Variants in MSH3 observed in about 807,000 individuals in gnomAD.
The protein encoded by MSH3 is DNA mismatch repair protein Msh3.
A neutral mutation model predicts 123.3 loss-of-function variants in MSH3; 106 were observed. The observed-to-expected ratio is 0.86, with a 90% CI of 0.73 to 1.01. MSH3 has a LOEUF of 1.01. Among genes scored for constraint, MSH3 ranks in the 50% least tolerant of loss-of-function variants. MSH3 has a pLI of 0.00. For missense variants in MSH3, 1,459 were observed against 1,347.6 expected (o/e 1.08, Z -1.29); for synonymous variants, 515 against 481.4 (o/e 1.07, Z -0.91).
intron 8 of MSH3, among the ~76,000 whole-genome samples, chr5:80,718,166 A>C (rs141626994): frequency 2.0e-5 from 3 of 152,212 alleles, no homozygotes; most frequent in Non-Finnish European, 4.4e-5. Context: ...CAGAGGAATC[A>C]TGATCCTGAC....
chr5:80,752,973 G>A (rs193008103), intron 12 of MSH3, among the ~76,000 whole-genome samples: 131 of 152,204 alleles, frequency 8.6e-4, no homozygotes, highest in African/African-American at 3.1e-3. Flanking sequence ...TGTCACATAG[G>A]CAGTCAAGAC....
In MSH3 at chr5:80,679,796, C is replaced by T. The variant is rs529968172; in HGVS notation, c.1340+703C>T. Among the ~76,000 whole-genome samples the T allele has an allele frequency of 5.3e-5, 8 of 152,268 alleles. No individual in the cohort carries two copies. In the South Asian group the frequency reaches 6.2e-4, roughly 12 times the overall value. On this transcript the variant is annotated intron_variant, in intron 8 of 23. Coordinates refer to ENST00000265081, the MANE Select transcript of MSH3 (RefSeq NM_002439.5). The stretch of plus-strand genomic sequence containing the variant: ...AAGGCATGATGTATTAAGTGCTAAA[C>T]GTGAAGGTGCCTTGTTGGAAAGACT...
At chr5:80,733,542 A>G (rs1365216775) in intron 10 of MSH3, among the ~76,000 whole-genome samples, 1 of 152,118 alleles carries the variant, frequency 6.6e-6, no homozygotes, top group Admixed American at 6.5e-5. Flanking sequence ...AAGACAATCC[A>G]CTGAATAGAA....
At chr5:80,761,271 C>T (rs1744026977) in intron 12 of MSH3, among the ~76,000 whole-genome samples, 1 of 152,178 alleles carries the variant, frequency 6.6e-6, no homozygotes, top group South Asian at 2.1e-4. Flanking sequence ...AGACTGTAAT[C>T]CCAGGTTCCA....
chr5:80,678,985 G>A lies in MSH3; in HGVS notation c.1232G>A (p.Arg411His), dbSNP rs764885728. The A allele has an allele frequency of 1.7e-5, 28 of 1,613,962 alleles. No homozygotes were observed. The highest frequency in any genetic ancestry group is 2.2e-5 in the East Asian group (1 of 44,888). The change falls in exon 8 of 24, where the codon CGT (arginine) becomes CAT (histidine). Residue 411 changes from arginine to histidine, a missense_variant. By Grantham distance (29) the Arg-to-His change is conservative. Coordinates refer to ENST00000265081, the MANE Select transcript of MSH3 (RefSeq NM_002439.5). Reference sequence around the variant, plus strand: ...GATAGTTTCCAGGACTCTGCTTCTCGTTCAGAGCTAGAAACCCGGATGTCA... The same window carrying A: ...GATAGTTTCCAGGACTCTGCTTCTCATTCAGAGCTAGAAACCCGGATGTCA... ...VFDSFQDSAS[R>H]SELETRMSSL... is the part of the protein sequence containing the mutation.
At chr5:80,774,870 A>G (rs1443551683) in intron 15 of MSH3, among the ~76,000 whole-genome samples, 2 of 152,194 alleles carry the variant, frequency 1.3e-5, no homozygotes, top group Non-Finnish European at 2.9e-5. Flanking sequence ...CAAAAAAACC[A>G]GAAAGAATGA....
At chr5:80,775,233 T>C (rs1744277970) in intron 15 of MSH3, among the ~76,000 whole-genome samples, 1 of 152,180 alleles carries the variant, frequency 6.6e-6, no homozygotes, top group Non-Finnish European at 1.5e-5. Flanking sequence ...AGGATTTCAG[T>C]TCCTTGGATA....
Position 80,873,182 on chromosome 5 carries a change from G to C in MSH3, c.3197G>C (p.Arg1066Thr), listed in dbSNP as rs769290159. Residue 1066 changes from arginine (R) to threonine (T), a missense_variant, in exon 23 of 24, where the codon AGG becomes ACG. Coordinates refer to ENST00000265081, the MANE Select transcript of MSH3 (RefSeq NM_002439.5). ...CAAATAACTAGAGGAATTGCAGCAA[G>C]GAGTTATGGATTAAATGTGGCTAAA... Reference protein sequence around the residue: ...LYQITRGIAARSYGLNVAKLA... With the variant: ...LYQITRGIAATSYGLNVAKLA... 6.2e-7 allele frequency: 1 copy of C among 1,613,860 alleles called. No individual in the cohort carries two copies. The highest frequency in any genetic ancestry group is 8.5e-7 in the Non-Finnish European group (1 of 1,179,788).
chr5:80,673,768 G>A (rs1284492383), intron 6 of MSH3, among the ~76,000 whole-genome samples: 7 of 152,126 alleles, frequency 4.6e-5, no homozygotes, highest in African/African-American at 1.7e-4. Flanking sequence ...ATTTATAAAT[G>A]CAGTGTGTTA....
chr5:80,725,705 A>G (rs1183891397), intron 9 of MSH3, 140 bp downstream of exon 9: 2 of 700,170 alleles, frequency 2.9e-6, no homozygotes, highest in Non-Finnish European at 5.1e-6. Context: ...TGTTGTGCTC[A>G]TCAGAAACAC....
intron 19 of MSH3, among the ~76,000 whole-genome samples, chr5:80,811,054 A>G (rs115582491): frequency 5.3e-4 from 80 of 152,158 alleles, no homozygotes; most frequent in African/African-American, 1.8e-3. Flanking sequence ...TGAAATTGGA[A>G]ACACTTCTGT....
intron 8 of MSH3, among the ~76,000 whole-genome samples, chr5:80,716,956 G>C (rs1750974118): frequency 6.6e-6 from 1 of 152,160 alleles, no homozygotes; most frequent in African/African-American, 2.4e-5. Flanking sequence ...GAGAACATGT[G>C]ATATTCGTCT....
At chr5:80,769,106 C>G (rs552880822) in intron 15 of MSH3, 103 bp downstream of exon 15, 1 of 1,062,414 alleles carries the variant, frequency 9.4e-7, no homozygotes, top group South Asian at 1.5e-5. Context: ...ATTATCTTTT[C>G]AAATTTTCTG....
At chr5:80,839,755 GAC>G (rs1346057991) in intron 20 of MSH3, among the ~76,000 whole-genome samples, 1 of 152,086 alleles carries the variant, frequency 6.6e-6, no homozygotes, top group African/African-American at 2.4e-5. Context: ...TATAAAAAGT[GAC>G]ACAATAAAAT....
intron 8 of MSH3, among the ~76,000 whole-genome samples, chr5:80,681,523 A>G (rs1561440466): frequency 6.6e-6 from 1 of 151,978 alleles, no homozygotes; most frequent in Non-Finnish European, 1.5e-5. Context: ...TAATACTGAA[A>G]AAATGAATAT....
At chr5:80,854,967 C>T (rs755855993) in intron 21 of MSH3, among the ~76,000 whole-genome samples, 5 of 152,150 alleles carry the variant, frequency 3.3e-5, no homozygotes, top group Non-Finnish European at 7.4e-5. Flanking sequence ...TCACCAACAT[C>T]CTGAAGGATC....
chr5:80,798,820 T>G (rs974861109), intron 19 of MSH3, among the ~76,000 whole-genome samples: 1 of 152,180 alleles, frequency 6.6e-6, no homozygotes, highest in South Asian at 2.1e-4. Flanking sequence ...CCTCTCTTCT[T>G]ATCTCTTACC....
intron 13 of MSH3, among the ~76,000 whole-genome samples, chr5:80,762,964 A>G (rs1261071222): frequency 6.6e-6 from 1 of 151,670 alleles, no homozygotes; most frequent in Non-Finnish European, 1.5e-5. Context: ...CTTCTGTCTC[A>G]GCCTCCTGAG....
chr5:80,803,362 G>A (rs1744826051), intron 19 of MSH3, among the ~76,000 whole-genome samples: 1 of 151,790 alleles, frequency 6.6e-6, no homozygotes, highest in Non-Finnish European at 1.5e-5. Flanking sequence ...CCTGTTGTTT[G>A]TATGCCTTCG....
Sources: gnomAD v4.1 joint callset for allele counts (sites outside exome capture counted in the v4.1 genomes callset) on GRCh38, gnomAD v4.1.1 for gene constraint, MANE v1.5 for transcripts, NCBI Gene and HGNC (gene_info 2026-07-23, HGNC 2026-07-21) for gene names.